GRK5: variants seen among roughly 807,000 people sequenced by gnomAD.
GRK5 encodes the protein g protein-coupled receptor kinase GRK5.
In GRK5, 40 loss-of-function variants were observed where a neutral mutation model predicts 78.4. The observed-to-expected ratio is 0.51, with a 90% CI of 0.40 to 0.66. GRK5 has a LOEUF of 0.66. Among genes scored for constraint, GRK5 ranks in the 30% least tolerant of loss-of-function variants. The probability of loss-of-function intolerance (pLI) is 0.00; values close to 1 mark genes in which losing one functional copy is unlikely to be tolerated. For synonymous variants in GRK5, 289 were observed against 296.8 expected (o/e 0.97, Z 0.27); for missense variants, 598 against 759.9 (o/e 0.79, Z 2.50).
chr10:119,342,339 C>T (rs763642428), intron 2 of GRK5, among the ~76,000 whole-genome samples: 2 of 152,222 alleles, frequency 1.3e-5, no homozygotes, highest in Non-Finnish European at 2.9e-5. Context: ...AACATGAGCT[C>T]CAGTGTCAGA....
intron 2 of GRK5, among the ~76,000 whole-genome samples, chr10:119,332,839 C>T (rs1850806343): frequency 6.6e-6 from 1 of 152,194 alleles, no homozygotes; most frequent in South Asian, 2.1e-4. Flanking sequence ...CTTTTTCTTC[C>T]AGGGGACTTT....
intron 1 of GRK5, among the ~76,000 whole-genome samples, chr10:119,269,444 T>C (rs1444084494): frequency 2.0e-5 from 3 of 152,100 alleles, no homozygotes. Context: ...AGCCCTGTAA[T>C]GGGCTCACAT....
intron 4 of GRK5, among the ~76,000 whole-genome samples, chr10:119,421,210 C>T (rs1243814682): frequency 5.3e-5 from 8 of 152,238 alleles, no homozygotes; most frequent in Non-Finnish European, 8.8e-5. Context: ...GCCATCGGCT[C>T]TCTCCTTCCT....
chr10:119,366,725 C>G (rs757265635), intron 2 of GRK5, among the ~76,000 whole-genome samples: 7 of 152,134 alleles, frequency 4.6e-5, no homozygotes, highest in Non-Finnish European at 1.0e-4. Flanking sequence ...ATCTAGGTGA[C>G]AGGGGTGCCT....
At chr10:119,391,567 G>A (rs888880564) in intron 3 of GRK5, among the ~76,000 whole-genome samples, 3 of 152,086 alleles carry the variant, frequency 2.0e-5, no homozygotes, top group East Asian at 1.9e-4. Context: ...AGGGACTGAC[G>A]CGGGATCGTG....
At chr10:119,225,432 A>T (rs1196353990) in intron 1 of GRK5, among the ~76,000 whole-genome samples, 2 of 152,114 alleles carry the variant, frequency 1.3e-5, no homozygotes, top group Non-Finnish European at 2.9e-5. Context: ...AGAGAGTGAT[A>T]GGTATTACCT....
intron 1 of GRK5, among the ~76,000 whole-genome samples, chr10:119,219,057 T>G (rs1848622501): frequency 6.6e-6 from 1 of 152,002 alleles, no homozygotes; most frequent in Non-Finnish European, 1.5e-5. Context: ...GCTGGGATTT[T>G]TTTGTATTTT....
At chr10:119,329,292 G>A (rs748221514) in intron 2 of GRK5, among the ~76,000 whole-genome samples, 21 of 152,168 alleles carry the variant, frequency 1.4e-4, no homozygotes, top group Non-Finnish European at 2.2e-4. Context: ...GGGAGTAGAT[G>A]CGGTGTTTCC....
intron 5 of GRK5, 100 bp from the exon 6 acceptor site, chr10:119,424,893 G>A: frequency 2.5e-6 from 2 of 809,128 alleles, no homozygotes; most frequent in Non-Finnish European, 4.4e-6. Flanking sequence ...TGGGTTGAGA[G>A]GCCCTGTTTA....
intron 13 of GRK5, among the ~76,000 whole-genome samples, chr10:119,451,596 C>T (rs1044565200): frequency 6.6e-6 from 1 of 152,208 alleles, no homozygotes; most frequent in African/African-American, 2.4e-5. Context: ...GGCGTGCACC[C>T]CGGGCTTTGG....
chr10:119,450,989 C>T (rs1172289975), intron 13 of GRK5, among the ~76,000 whole-genome samples: 1 of 71,250 alleles, frequency 1.4e-5, no homozygotes, highest in Non-Finnish European at 2.8e-5. Context: ...CCGCCCCCCA[C>T]AGTCTTCCCT....
At chr10:119,367,462 A>C (rs540905218) in intron 2 of GRK5, among the ~76,000 whole-genome samples, 1 of 152,278 alleles carries the variant, frequency 6.6e-6, no homozygotes, top group Non-Finnish European at 1.5e-5. Flanking sequence ...ATCACCAAAG[A>C]CCCAGATTGG....
Position 119,326,511 on chromosome 10 carries a change from T to G in GRK5, c.53-5T>G. On this transcript the variant is annotated splice_polypyrimidine_tract_variant and splice_region_variant and intron_variant, in intron 1 of 15. Coordinates refer to ENST00000392870, the MANE Select transcript of GRK5 (RefSeq NM_005308.3). ...AGCCAGGCATCTTTTTCCCCATCTCTGCAGGGGGCGGAGGAAAGCGCAAAG... is the reference window on the plus strand; with the variant it reads ...AGCCAGGCATCTTTTTCCCCATCTCGGCAGGGGGCGGAGGAAAGCGCAAAG... 2.5e-6 allele frequency: 4 copies of G among 1,612,498 alleles called. No homozygotes were observed. The highest frequency in any genetic ancestry group is 3.4e-6 in the Non-Finnish European group (4 of 1,178,566).
chr10:119,209,486 GGTTT>G (rs1564848767), intron 1 of GRK5, among the ~76,000 whole-genome samples: 30 of 88,820 alleles, frequency 3.4e-4, no homozygotes, highest in African/African-American at 1.3e-3. Context: ...GTGTGTGTGT[GGTTT>G]TTTTTTTTTT....
chr10:119,317,469 C>T (rs1105982), intron 1 of GRK5, among the ~76,000 whole-genome samples: 104,861 of 151,364 alleles, frequency 0.69, 37,929 homozygotes, highest in Non-Finnish European at 0.79. Context: ...TGGGGGGAAG[C>T]GGCCCCTGAG....
At chr10:119,363,974 C>T (rs762286844) in intron 2 of GRK5, among the ~76,000 whole-genome samples, 37 of 152,166 alleles carry the variant, frequency 2.4e-4, no homozygotes, top group African/African-American at 8.2e-4. Flanking sequence ...CATGGGTTCA[C>T]GCCTCTCCCT....
chr10:119,313,133 AATG>A (rs1236055374), intron 1 of GRK5, among the ~76,000 whole-genome samples: 45 of 82,560 alleles, frequency 5.5e-4, no homozygotes, highest in Non-Finnish European at 9.7e-4. Flanking sequence ...TGATGATGGT[AATG>A]ATGGTAGTGG....
At chr10:119,241,117 G>C (rs145894103) in intron 1 of GRK5, among the ~76,000 whole-genome samples, 3 of 152,146 alleles carry the variant, frequency 2.0e-5, no homozygotes, top group Non-Finnish European at 2.9e-5. Flanking sequence ...CCCTTGTTGC[G>C]TGCTTCCTGG....
chr10:119,447,400 C>T (rs182614915), intron 12 of GRK5, among the ~76,000 whole-genome samples: 72 of 152,328 alleles, frequency 4.7e-4, no homozygotes, highest in East Asian at 2.1e-3. Flanking sequence ...ACCCTCCTCC[C>T]GCTTTCTAAG....
Sources: allele counts gnomAD v4.1 joint callset (sites outside exome capture counted in the v4.1 genomes callset), GRCh38; gene constraint gnomAD v4.1.1; transcripts MANE v1.5; gene names NCBI Gene and HGNC (gene_info 2026-07-23, HGNC 2026-07-21).